PPP3CB: variants seen among roughly 807,000 people sequenced by gnomAD.
PPP3CB encodes serine/threonine-protein phosphatase 2B catalytic subunit beta isoform.
Under a neutral mutation model 66.4 loss-of-function variants are expected in PPP3CB, and 8 were observed. That is an observed-to-expected ratio of 0.12 (90% CI 0.07 to 0.22). The LOEUF is 0.22. Among genes scored for constraint, PPP3CB ranks in the 10% least tolerant of loss-of-function variants. PPP3CB has a pLI of 1.00. For missense variants in PPP3CB, 319 were observed against 642.5 expected (o/e 0.50, Z 5.44); for synonymous variants, 208 against 221.2 (o/e 0.94, Z 0.53).
In PPP3CB at chr10:73,471,129, A is replaced by G; in HGVS notation, c.750T>C (p.Asn250=). The change falls in exon 6 of 14, where the codon AAT becomes AAC. Residue 250 remains asparagine, a synonymous_variant. Coordinates refer to ENST00000360663, the MANE Select transcript of PPP3CB (RefSeq NM_021132.4). ...GACTAAAATGTTCCTGTGATTTTTC[A>G]TTTCCAAAATCTTCAGAAGGATCGG... ...LWSDPSEDFG[N]EKSQEHFSHN... is the part of the protein sequence containing the mutation. 6.2e-7 allele frequency: 1 copy of G among 1,612,240 alleles called. No individual in the cohort carries two copies. The highest frequency in any genetic ancestry group is 8.5e-7 in the Non-Finnish European group (1 of 1,178,450).
At chr10:73,477,446 T>C (rs2056809166) in intron 3 of PPP3CB, among the ~76,000 whole-genome samples, 2 of 152,226 alleles carry the variant, frequency 1.3e-5, no homozygotes, top group African/African-American at 4.8e-5. Flanking sequence ...AATGTAGATA[T>C]TAAAATGATG....
chr10:73,444,729 T>C lies in PPP3CB; in HGVS notation c.1362A>G (p.Gln454=), dbSNP rs1464143052. ...GVLAGGRQTL[Q]SATVEAIEAE... ...CAAGTTGCATAACATCATTACCACT[T>C]TGCAGGGTCTGCCGTCCTCCAGCTA... Residue 454 remains glutamine, a synonymous_variant, in exon 12 of 14, where the codon CAA becomes CAG. Transcript: ENST00000360663. The C allele has an allele frequency of 2.5e-6, 4 of 1,614,056 alleles. No individual in the cohort carries two copies. The highest frequency in any genetic ancestry group is 1.7e-5 in the Admixed American group (1 of 60,002).
chr10:73,491,036 T>TG (rs2057067413), intron 1 of PPP3CB, among the ~76,000 whole-genome samples: 1 of 121,888 alleles, frequency 8.2e-6, no homozygotes, highest in Non-Finnish European at 1.6e-5. Context: ...TTTTTTTTTT[T>TG]TTTTTTTTTT....
At chr10:73,446,644 C>T in intron 10 of PPP3CB, 71 bp from the exon 11 acceptor site, 3 of 1,407,142 alleles carry the variant, frequency 2.1e-6, no homozygotes, top group Non-Finnish European at 1.0e-6. Context: ...ATTCTATTAG[C>T]CTGTTCCACA....
intron 1 of PPP3CB, among the ~76,000 whole-genome samples, chr10:73,482,169 A>G (rs1418019728): frequency 1.3e-5 from 2 of 152,202 alleles, no homozygotes; most frequent in African/African-American, 4.8e-5. Flanking sequence ...TTCTGAGATC[A>G]AGATAGAATC....
chr10:73,495,868 G>A lies in PPP3CB; in HGVS notation c.22C>T (p.Arg8Trp). The A allele has an allele frequency of 7.2e-7, 1 of 1,383,696 alleles. No homozygotes were observed. The highest frequency in any genetic ancestry group is 9.3e-7 in the Non-Finnish European group (1 of 1,070,692). 85.7% of individuals were successfully genotyped at this position (1,383,696 alleles called of 1,614,324 possible). A position where few individuals can be genotyped will look rare whatever the true frequency, so the allele number is the denominator to read the frequency against. Residue 8 changes from arginine to tryptophan, a missense_variant, in exon 1 of 14, where the codon CGG (arginine) becomes TGG (tryptophan). By Grantham distance (101) the Arg-to-Trp change is moderately radical. Coordinates refer to ENST00000360663, the MANE Select transcript of PPP3CB (RefSeq NM_021132.4). ...GGCGGGGGTGGGGGCGGTGCAGCCC[G>A]GGCCGGCTCCGGGGCGGCCATGCTG... MAAPEPA[R>W]AAPPPPPPPP...
intron 1 of PPP3CB, among the ~76,000 whole-genome samples, chr10:73,492,403 CT>C (rs1253420957): frequency 6.6e-6 from 1 of 152,014 alleles, no homozygotes; most frequent in African/African-American, 2.4e-5. Flanking sequence ...TTTTAAGTAT[CT>C]GGGGAAAAAA....
At chr10:73,445,383 CACCAGAGTCA>C (rs1308633866) in intron 11 of PPP3CB, among the ~76,000 whole-genome samples, 2 of 152,206 alleles carry the variant, frequency 1.3e-5, no homozygotes, top group Non-Finnish European at 2.9e-5. Flanking sequence ...CAATAACAAT[CACCAGAGTCA>C]AAAATCTTAG....
At chr10:73,460,822 C>T (rs1433979134) in intron 9 of PPP3CB, among the ~76,000 whole-genome samples, 1 of 152,232 alleles carries the variant, frequency 6.6e-6, no homozygotes. Context: ...GTGTTAAACC[C>T]CTAGGCAAGT....
chr10:73,454,378 GT>G, intron 10 of PPP3CB, 33 bp downstream of exon 10: 1 of 1,456,054 alleles, frequency 6.9e-7, no homozygotes, highest in South Asian at 1.2e-5. Flanking sequence ...CCATTTCACA[GT>G]AAAAAAAAAA....
In PPP3CB at chr10:73,479,497, G is replaced by T; in HGVS notation, c.106C>A (p.His36Asn). 6.2e-7 allele frequency: 1 copy of T among 1,613,972 alleles called. No homozygotes were observed. The highest frequency in any genetic ancestry group is 1.1e-5 in the South Asian group (1 of 91,070). ...AATACTTCTTCAGATGTCAAGCGAT[G>T]TGTTGGGGGGAAAGGGACAGCTGCA... ...VVKAVPFPPT[H>N]RLTSEEVFDL... Residue 36 changes from histidine (H) to asparagine (N), a missense_variant, in exon 2 of 14, where the codon CAT becomes AAT. His to Asn is a moderately conservative substitution (Grantham distance 68). Around this residue, in one of 5 missense-constraint regions of PPP3CB, gnomAD observed 104 missense variants for 128.4 expected, o/e 0.81. Coordinates refer to ENST00000360663, the MANE Select transcript of PPP3CB (RefSeq NM_021132.4).
intron 11 of PPP3CB, among the ~76,000 whole-genome samples, chr10:73,446,257 G>A (rs952326185): frequency 5.9e-5 from 9 of 151,686 alleles, no homozygotes; most frequent in African/African-American, 2.4e-5. Flanking sequence ...ATGCCACCAC[G>A]CCCGGCTAAT....
At chr10:73,457,766 A>G (rs968851585) in intron 9 of PPP3CB, among the ~76,000 whole-genome samples, 3 of 151,924 alleles carry the variant, frequency 2.0e-5, no homozygotes, top group African/African-American at 7.3e-5. Flanking sequence ...AGAAAGAAAG[A>G]AAGTGAAAGT....
rs377305105 is a variant in PPP3CB, at chr10:73,471,451, G to A, written c.669+17C>T. 204 of 1,581,622 alleles carry A rather than the reference G, an allele frequency of 1.3e-4. No individual in the cohort carries two copies. In the African/African-American group the frequency reaches 2.4e-3, roughly 18 times the overall value. On this transcript the variant is annotated intron_variant, in intron 5 of 13. Coordinates refer to ENST00000360663, the MANE Select transcript of PPP3CB (RefSeq NM_021132.4). ...CTATAAATAGAAATCAATCTCGGAA[G>A]TAAAATATATACTTACTCTCCTAAT...
At chr10:73,458,699 T>C (rs1048891160) in intron 9 of PPP3CB, among the ~76,000 whole-genome samples, 1 of 150,604 alleles carries the variant, frequency 6.6e-6, no homozygotes, top group African/African-American at 2.4e-5. Flanking sequence ...TATGTTTATA[T>C]ATTAAAATGT....
intron 1 of PPP3CB, among the ~76,000 whole-genome samples, chr10:73,483,243 T>A (rs1442600003): frequency 3.9e-5 from 6 of 152,240 alleles, no homozygotes; most frequent in East Asian, 3.8e-4. Context: ...ACAGCTTTTT[T>A]AAAATGTGTA....
intron 8 of PPP3CB, 50 bp downstream of exon 8, chr10:73,470,637 A>T (rs1278631068): frequency 2.6e-6 from 3 of 1,166,848 alleles, no homozygotes; most frequent in Non-Finnish European, 3.5e-6. Context: ...AAAAAAAGTC[A>T]ATTAAAATAC....
At chr10:73,482,542 CAAAAAAAAAAAAAA>C (rs537336452) in intron 1 of PPP3CB, among the ~76,000 whole-genome samples, 8 of 36,748 alleles carry the variant, frequency 2.2e-4, no homozygotes, top group Non-Finnish European at 3.8e-4. Flanking sequence ...GACTCCGTCT[CAAAAAAAAAAAAAA>C]AAAAAAAAAA....
chr10:73,446,388 C>A (rs762029823), intron 11 of PPP3CB, 104 bp downstream of exon 11: 76 of 1,076,184 alleles, frequency 7.1e-5, no homozygotes, highest in Non-Finnish European at 9.4e-5. Flanking sequence ...GAGTGTGCCA[C>A]CATACCCGGC....
Sources: gnomAD v4.1 joint callset for allele counts (sites outside exome capture counted in the v4.1 genomes callset) on GRCh38, gnomAD v4.1.1 for gene constraint, gnomAD v4.1.1 regional missense constraint, MANE v1.5 for transcripts, NCBI Gene and HGNC (gene_info 2026-07-23, HGNC 2026-07-21) for gene names.